B4GALT1: variants seen among roughly 807,000 people sequenced by gnomAD.
B4GALT1 encodes N-acetyllactosamine synthase.
B4GALT1 carries 16 observed loss-of-function variants against 34.9 expected under a neutral mutation model. That is an observed-to-expected ratio of 0.46 (90% CI 0.31 to 0.70). B4GALT1 has a LOEUF of 0.70. Ranked by LOEUF, B4GALT1 falls within the 30% of genes least tolerant of loss-of-function variation. The probability of loss-of-function intolerance (pLI) is 0.05; values close to 1 mark genes in which losing one functional copy is unlikely to be tolerated. For missense variants in B4GALT1, 445 were observed against 530.5 expected (o/e 0.84, Z 1.58); for synonymous variants, 221 against 218.1 (o/e 1.01, Z -0.12).
chr9:33,113,455 T>C lies in B4GALT1; in HGVS notation c.1196A>G (p.Ter399TrpextTer35). ...QITVDIGTPS* is the reference protein window; with the variant it reads ...QITVDIGTPSW ...GTCTCTTATCCGTGTACCAAAACGC[T>C]AGCTCGGTGTCCCGATGTCCACTGT... Residue 399 changes from the stop codon to tryptophan, a stop_lost, in exon 6 of 6, where the codon TAG becomes TGG. Transcript: ENST00000379731. 1 of 1,614,182 alleles carries C rather than the reference T, an allele frequency of 6.2e-7. No individual in the cohort carries two copies. The highest frequency in any genetic ancestry group is 1.1e-5 in the South Asian group (1 of 91,082).
chr9:33,136,933 C>T (rs1430459774), intron 1 of B4GALT1, among the ~76,000 whole-genome samples: 3 of 152,196 alleles, frequency 2.0e-5, no homozygotes, highest in African/African-American at 7.2e-5. Flanking sequence ...CTGAATTCAA[C>T]AGCTTGAGAA....
chr9:33,137,030 C>T (rs1840282496), intron 1 of B4GALT1, among the ~76,000 whole-genome samples: 2 of 152,318 alleles, frequency 1.3e-5, no homozygotes, highest in Admixed American at 6.5e-5. Context: ...TCCCTCCCTC[C>T]GTAGCTGACC....
chr9:33,115,874 G>A, intron 4 of B4GALT1, 117 bp downstream of exon 4: 1 of 1,347,838 alleles, frequency 7.4e-7, no homozygotes, highest in Non-Finnish European at 1.0e-6. Context: ...AAGAATGTGG[G>A]CTGACTAGGG....
intron 1 of B4GALT1, among the ~76,000 whole-genome samples, chr9:33,146,746 T>A (rs566794769): frequency 6.6e-6 from 1 of 151,588 alleles, no homozygotes; most frequent in African/African-American, 2.4e-5. Context: ...CAGGCTGGAG[T>A]GCAGTGGTGC....
At chr9:33,148,732 GAA>G (rs1363960031) in intron 1 of B4GALT1, among the ~76,000 whole-genome samples, 1 of 151,388 alleles carries the variant, frequency 6.6e-6, no homozygotes, top group Admixed American at 6.6e-5. Flanking sequence ...GCTCATTGGA[GAA>G]GTGACTGACT....
chr9:33,167,429 G>T, upstream of B4GALT1: 1 of 347,590 alleles, frequency 2.9e-6, no homozygotes, highest in Non-Finnish European at 5.1e-6. Context: ...TTCTGGACGA[G>T]GGCGGGAAGG....
At chr9:33,142,726 C>T (rs534091702) in intron 1 of B4GALT1, among the ~76,000 whole-genome samples, 3 of 152,140 alleles carry the variant, frequency 2.0e-5, no homozygotes, top group African/African-American at 7.2e-5. Context: ...CTCAGCCTCC[C>T]GTGGGACTGC....
downstream of B4GALT1, among the ~76,000 whole-genome samples, chr9:33,110,440 C>T (rs1255105022): frequency 2.0e-5 from 3 of 152,148 alleles, no homozygotes; most frequent in East Asian, 1.9e-4. Flanking sequence ...TTACATATAT[C>T]GTCACTTTTA....
intron 2 of B4GALT1, among the ~76,000 whole-genome samples, chr9:33,120,921 T>G (rs2118057795): frequency 6.6e-6 from 1 of 152,294 alleles, no homozygotes; most frequent in South Asian, 2.1e-4. Context: ...TAAATCATAG[T>G]ACATCCATAC....
the B4GALT1 span, among the ~76,000 whole-genome samples, chr9:33,185,068 C>T: frequency 2.6e-5 from 4 of 152,168 alleles, no homozygotes; most frequent in African/African-American, 9.7e-5. Flanking sequence ...TGCTTGACCC[C>T]AGCCTCCAGC....
intron 2 of B4GALT1, among the ~76,000 whole-genome samples, chr9:33,134,592 G>A (rs1453686640): frequency 6.6e-6 from 1 of 152,200 alleles, no homozygotes; most frequent in Non-Finnish European, 1.5e-5. Flanking sequence ...CCTAAGCAGG[G>A]CTAAAGCCCA....
downstream of B4GALT1, among the ~76,000 whole-genome samples, chr9:33,105,780 G>A (rs1195382045): frequency 6.6e-6 from 1 of 151,358 alleles, no homozygotes; most frequent in Non-Finnish European, 1.5e-5. Context: ...AGGTTCATCT[G>A]AGTTGTAGTA....
the B4GALT1 span, among the ~76,000 whole-genome samples, chr9:33,177,986 C>CTTTTTTTTT: frequency 1.9e-5 from 2 of 107,474 alleles, 1 homozygote; most frequent in Non-Finnish European, 3.6e-5. Flanking sequence ...AAACAGAAGA[C>CTTTTTTTTT]TTTTTTTTTT....
chr9:33,105,225 C>T (rs906436006), intron 2 of B4GALT1, among the ~76,000 whole-genome samples: 7 of 152,082 alleles, frequency 4.6e-5, no homozygotes, highest in South Asian at 2.1e-4. Context: ...CCACAACCTC[C>T]GCCTTCCAGG....
intron 2 of B4GALT1, among the ~76,000 whole-genome samples, chr9:33,129,961 G>C (rs1840169982): frequency 6.6e-6 from 1 of 152,188 alleles, no homozygotes; most frequent in East Asian, 1.9e-4. Context: ...CGACCATTTA[G>C]ACCGTTGCCT....
At chr9:33,164,327 C>A (rs551688966) in intron 1 of B4GALT1, among the ~76,000 whole-genome samples, 32 of 152,202 alleles carry the variant, frequency 2.1e-4, no homozygotes, top group Non-Finnish European at 3.1e-4. Flanking sequence ...CCCACACACT[C>A]CCAAGGAGAC....
At chr9:33,134,269 C>T (rs1840235235) in intron 2 of B4GALT1, among the ~76,000 whole-genome samples, 1 of 152,170 alleles carries the variant, frequency 6.6e-6, no homozygotes, top group Admixed American at 6.5e-5. Flanking sequence ...AATCCTCCTA[C>T]CTAAAGCAGA....
chr9:33,185,058 T>A, the B4GALT1 span, among the ~76,000 whole-genome samples: 1 of 152,192 alleles, frequency 6.6e-6, no homozygotes, highest in East Asian at 1.9e-4. Flanking sequence ...ATGTTGATAC[T>A]GCTTGACCCC....
At chr9:33,181,262 A>C in the B4GALT1 span, among the ~76,000 whole-genome samples, 16 of 152,276 alleles carry the variant, frequency 1.1e-4, no homozygotes, top group African/African-American at 3.6e-4. Context: ...TCTATTAAAA[A>C]TAAAAAAAAT....
Sources: allele counts gnomAD v4.1 joint callset (sites outside exome capture counted in the v4.1 genomes callset), GRCh38; gene constraint gnomAD v4.1.1; transcripts MANE v1.5; gene names NCBI Gene and HGNC (gene_info 2026-07-23, HGNC 2026-07-21).